ZNF675: variants seen among roughly 807,000 people sequenced by gnomAD.
The protein encoded by ZNF675 is zinc finger protein 675, also known as TRAF6 inhibitory zinc finger.
In ZNF675, 36 loss-of-function variants were observed where a neutral mutation model predicts 56.1. That is an observed-to-expected ratio of 0.64 (90% confidence interval 0.49 to 0.85). The LOEUF is 0.85. Among genes scored for constraint, ZNF675 ranks in the 40% least tolerant of loss-of-function variants. ZNF675 has a pLI of 0.00. For synonymous variants in ZNF675, 200 were observed against 218.9 expected (o/e 0.91, Z 0.76); for missense variants, 663 against 654.2 (o/e 1.01, Z -0.15).
chr19:23,677,070 G>C (rs11669099), intron 1 of ZNF675, among the ~76,000 whole-genome samples: 138,358 of 142,354 alleles, frequency 0.97, 67,472 homozygotes, highest in Middle Eastern at 1. Context: ...GTGCAAGACT[G>C]TCTCAGAAAA....
chr19:23,677,695 A>T (rs1301212098), intron 1 of ZNF675, among the ~76,000 whole-genome samples: 2 of 108,252 alleles, frequency 1.8e-5, no homozygotes, highest in Non-Finnish European at 3.7e-5. Flanking sequence ...CAACAGAGTG[A>T]GACTCCGTCT....
At chr19:23,673,283 G>A (rs1487781131) in intron 1 of ZNF675, among the ~76,000 whole-genome samples, 1 of 152,164 alleles carries the variant, frequency 6.6e-6, no homozygotes, top group Non-Finnish European at 1.5e-5. Flanking sequence ...AGTGGAAAGT[G>A]GAGATTCTCA....
At chr19:23,669,689 A>G (rs1007978057) in intron 1 of ZNF675, among the ~76,000 whole-genome samples, 1 of 152,006 alleles carries the variant, frequency 6.6e-6, no homozygotes, top group Non-Finnish European at 1.5e-5. Flanking sequence ...CTGACCAACT[A>G]AAACTACAGA....
At chr19:23,658,823 A>C (rs1037062255) in intron 3 of ZNF675, among the ~76,000 whole-genome samples, 30 of 150,594 alleles carry the variant, frequency 2.0e-4, no homozygotes, top group African/African-American at 7.3e-4. Context: ...ATAGATCTAT[A>C]TCTCTATAGA....
At position 23,687,063 on chromosome 19, in the gene ZNF675, T is replaced by C; in HGVS notation, c.-30A>G. 2 of 1,613,202 alleles carry C rather than the reference T, an allele frequency of 1.2e-6. No individual in the cohort carries two copies. Among genetic ancestry groups the C allele is most frequent in the Non-Finnish European group, 1.7e-6 (2 of 1,179,478 alleles). On this transcript the variant is annotated 5_prime_UTR_variant, in exon 1 of 4. Transcript: ENST00000359788. Reference sequence around the variant, plus strand: ...AGGCTTCCAGGGGGTCCTGGAGTCTTAGCTGTGGATCTCTCAATTTCTGCA... The same window carrying C: ...AGGCTTCCAGGGGGTCCTGGAGTCTCAGCTGTGGATCTCTCAATTTCTGCA...
chr19:23,672,417 A>G (rs1465032433), intron 1 of ZNF675, among the ~76,000 whole-genome samples: 1 of 152,220 alleles, frequency 6.6e-6, no homozygotes, highest in Admixed American at 6.5e-5. Context: ...ACATAACTGT[A>G]GAAAGTCACT....
Position 23,679,617 on chromosome 19 carries a change from T to C in ZNF675, c.3+7414A>G, listed in dbSNP as rs143597451. ...AAGAAAATATTTGCAAACTATGCTT[T>C]TGACAAAGGTCTAATATCCAGAATC... is the stretch of plus-strand genomic sequence containing the variant. On this transcript the variant is annotated intron_variant, in intron 1 of 3. Coordinates refer to ENST00000359788, the MANE Select transcript of ZNF675 (RefSeq NM_138330.3). Among the ~76,000 whole-genome samples, 577 of 151,554 alleles carry C rather than the reference T, an allele frequency of 3.8e-3. 20 individuals carry two copies. Among genetic ancestry groups the C allele is most frequent in the African/African-American group, 0.013 (547 of 40,980 alleles).
At position 23,653,520 on chromosome 19, in the gene ZNF675, C is replaced by T. The variant is rs117986084; in HGVS notation, c.1413G>A (p.Lys471=). The change falls in exon 4 of 4, where the codon AAG becomes AAA. Residue 471 remains lysine (K), a synonymous_variant. Transcript: ENST00000359788. ...AGGGTATCTCTCCAGAATGAATTTT[C>T]TTATGTTCAGTAAGTTTTGAGGATT... ...FIQSSKLTEH[K]KIHSGEIPYK... 33,132 of 1,612,906 alleles carry T rather than the reference C, an allele frequency of 0.021. 485 individuals carry two copies. The highest frequency in any genetic ancestry group is 0.043 in the Middle Eastern group (260 of 6,060).
intron 2 of ZNF675, among the ~76,000 whole-genome samples, chr19:23,662,744 C>A (rs2040893657): frequency 6.6e-6 from 1 of 152,066 alleles, no homozygotes; most frequent in Non-Finnish European, 1.5e-5. Flanking sequence ...CTTTGGGAGG[C>A]CGAGGCGAAT....
chr19:23,660,009 T>C (rs1045022481), intron 3 of ZNF675, among the ~76,000 whole-genome samples: 4 of 152,168 alleles, frequency 2.6e-5, no homozygotes, highest in African/African-American at 7.2e-5. Context: ...CATATTTTGA[T>C]ATAAGGCCCA....
chr19:23,684,455 G>T (rs1947562693), intron 1 of ZNF675, among the ~76,000 whole-genome samples: 1 of 151,550 alleles, frequency 6.6e-6, no homozygotes, highest in Non-Finnish European at 1.5e-5. Flanking sequence ...GACAAGCCTG[G>T]CCAACACGGG....
chr19:23,654,019 A>G lies in ZNF675; in HGVS notation c.914T>C (p.Ile305Thr). The G allele has an allele frequency of 6.2e-7, 1 of 1,613,326 alleles. No homozygotes were observed. Among genetic ancestry groups the G allele is most frequent in the African/African-American group, 1.3e-5 (1 of 74,854 alleles). Reference protein sequence around the residue: ...QFSNLTTHKKIHTGEQPYICE... With the variant: ...QFSNLTTHKKTHTGEQPYICE... ...TATGTAGGGTTGCTCTCCAGTATGA[A>G]TTTTTTTATGTGTAGTAAGATTTGA... Residue 305 changes from isoleucine to threonine, a missense_variant, in exon 4 of 4, where the codon ATT becomes ACT. Transcript: ENST00000359788.
intron 1 of ZNF675, among the ~76,000 whole-genome samples, chr19:23,671,068 G>A (rs755459275): frequency 7.9e-5 from 12 of 152,168 alleles, no homozygotes; most frequent in Non-Finnish European, 1.3e-4. Flanking sequence ...ATAAAGTACA[G>A]AAGGTTACAC....
intron 1 of ZNF675, among the ~76,000 whole-genome samples, chr19:23,670,221 T>G (rs542767974): frequency 1.3e-5 from 2 of 152,294 alleles, no homozygotes; most frequent in South Asian, 4.1e-4. Context: ...CCTGACAATC[T>G]AACAAGAAAA....
intron 1 of ZNF675, among the ~76,000 whole-genome samples, chr19:23,667,226 G>A (rs966557361): frequency 6.6e-6 from 1 of 151,924 alleles, no homozygotes; most frequent in Non-Finnish European, 1.5e-5. Flanking sequence ...TGGTGTCACT[G>A]GCTTCAGGAG....
At chr19:23,667,667 C>G (rs1968171185) in intron 1 of ZNF675, among the ~76,000 whole-genome samples, 1 of 150,642 alleles carries the variant, frequency 6.6e-6, no homozygotes, top group Admixed American at 6.6e-5. Context: ...CAGCTAGATA[C>G]AGAGTGTCAA....
At chr19:23,664,373 T>C (rs1008421069) in intron 1 of ZNF675, among the ~76,000 whole-genome samples, 3 of 151,920 alleles carry the variant, frequency 2.0e-5, no homozygotes, top group African/African-American at 4.8e-5. Flanking sequence ...AGTCCACCCA[T>C]TTCTGTCCTT....
intron 1 of ZNF675, 148 bp downstream of exon 1, chr19:23,686,883 C>T: frequency 1.0e-6 from 1 of 960,822 alleles, no homozygotes; most frequent in Non-Finnish European, 1.6e-6. Flanking sequence ...CTTATGGCTG[C>T]AGGGGACTGA....
Position 23,654,211 on chromosome 19 carries a change from G to C in ZNF675, c.722C>G (p.Ser241Ter), listed in dbSNP as rs144051668. ...QECDRTFNQF[S>*]NLTEYKKDYA... ...ATCTTTTTTATATTCAGTAAGGTTT[G>C]AGAATTGGTTAAAAGTTCTGTCACA... Residue 241 changes from serine (S) to a stop codon, truncating the protein, a stop_gained, in exon 4 of 4, where the codon TCA becomes TGA. Transcript: ENST00000359788. LOFTEE classifies it high-confidence loss of function. The C allele has an allele frequency of 1.9e-6, 3 of 1,613,986 alleles. No homozygotes were observed. Among genetic ancestry groups the C allele is most frequent in the Non-Finnish European group, 1.7e-6 (2 of 1,179,972 alleles).
Sources: gnomAD v4.1 joint callset for allele counts (sites outside exome capture counted in the v4.1 genomes callset) on GRCh38, gnomAD v4.1.1 for gene constraint, MANE v1.5 for transcripts, NCBI Gene and HGNC (gene_info 2026-07-23, HGNC 2026-07-21) for gene names.